Variants in MYT1L observed in about 807,000 individuals in gnomAD.
MYT1L encodes myelin transcription factor 1-like protein.
A neutral mutation model predicts 126.7 loss-of-function variants in MYT1L; 12 were observed. That is an observed-to-expected ratio of 0.09 (90% CI 0.06 to 0.15). The LOEUF is 0.15. Among genes scored for constraint, MYT1L ranks in the 10% least tolerant of loss-of-function variants. The probability of loss-of-function intolerance (pLI) is 1.00; values close to 1 mark genes in which losing one functional copy is unlikely to be tolerated. For missense variants in MYT1L, 979 were observed against 1,585.2 expected (o/e 0.62, Z 6.49); for synonymous variants, 541 against 604.2 (o/e 0.90, Z 1.53).
intron 5 of MYT1L, among the ~76,000 whole-genome samples, chr2:1,989,859 A>G (rs1223453698): frequency 1.3e-5 from 2 of 152,108 alleles, no homozygotes; most frequent in Non-Finnish European, 2.9e-5. Flanking sequence ...TTAGCTGGGC[A>G]TGGTGGCGGG....
At chr2:1,930,795 G>T (rs1227643270) in intron 9 of MYT1L, among the ~76,000 whole-genome samples, 1 of 152,134 alleles carries the variant, frequency 6.6e-6, no homozygotes, top group Non-Finnish European at 1.5e-5. Flanking sequence ...TTTTAGGTTC[G>T]GGGGTCCATG....
At chr2:1,894,269 G>T (rs2148893635) in intron 14 of MYT1L, among the ~76,000 whole-genome samples, 1 of 152,276 alleles carries the variant, frequency 6.6e-6, no homozygotes, top group African/African-American at 2.4e-5. Flanking sequence ...GCAGGGCGGG[G>T]TGGGCAGTGG....
At chr2:2,137,014 C>T (rs1425589182) in intron 3 of MYT1L, among the ~76,000 whole-genome samples, 1 of 152,094 alleles carries the variant, frequency 6.6e-6, no homozygotes, top group Non-Finnish European at 1.5e-5. Context: ...AATCAATGTG[C>T]AAAAATCACA....
At position 1,960,529 on chromosome 2, in the gene MYT1L, G is replaced by C. The variant is rs114984521; in HGVS notation, c.153-17195C>G. 4.8e-3 allele frequency among the ~76,000 whole-genome samples: 734 copies of C among 152,314 alleles called. 7 individuals are homozygous for C. The highest frequency in any genetic ancestry group is 0.017 in the African/African-American group (694 of 41,566). On this transcript the variant is annotated intron_variant, in intron 8 of 24. Coordinates refer to ENST00000647738, the MANE Select transcript of MYT1L (RefSeq NM_001303052.2). ...AGTGTAATGCATTTGTAAGTGGCAT[G>C]AAGGAAAATAAGACTGATACTGCCA... is the stretch of plus-strand genomic sequence containing the variant.
At chr2:2,120,884 G>A (rs910982358) in intron 3 of MYT1L, among the ~76,000 whole-genome samples, 9 of 151,844 alleles carry the variant, frequency 5.9e-5, no homozygotes, top group African/African-American at 1.5e-4. Context: ...CCCATTGAGT[G>A]CGCACTGTGT....
At chr2:2,278,648 A>G (rs1010415532) in intron 2 of MYT1L, among the ~76,000 whole-genome samples, 3 of 152,248 alleles carry the variant, frequency 2.0e-5, no homozygotes, top group Non-Finnish European at 4.4e-5. Context: ...CACAGGCAGG[A>G]CACTATTAAC....
chr2:2,100,926 G>T (rs1474209392), intron 3 of MYT1L, among the ~76,000 whole-genome samples: 1 of 152,090 alleles, frequency 6.6e-6, no homozygotes, highest in African/African-American at 2.4e-5. Context: ...AAGTAGAATA[G>T]CACGTAGATA....
At chr2:2,309,322 A>G (rs1174651762) in intron 1 of MYT1L, among the ~76,000 whole-genome samples, 2 of 151,624 alleles carry the variant, frequency 1.3e-5, no homozygotes, top group African/African-American at 4.8e-5. Context: ...AGTATACTCT[A>G]TCTATACTCT....
At chr2:2,163,418 G>T (rs1244607687) in intron 3 of MYT1L, among the ~76,000 whole-genome samples, 1 of 152,088 alleles carries the variant, frequency 6.6e-6, no homozygotes, top group African/African-American at 2.4e-5. Context: ...CCTGACAGTA[G>T]TTGCAATTAA....
At chr2:1,921,016 C>G (rs1011995639) in intron 10 of MYT1L, among the ~76,000 whole-genome samples, 5 of 152,186 alleles carry the variant, frequency 3.3e-5, no homozygotes, top group African/African-American at 1.2e-4. Context: ...CCTAGCTTGC[C>G]GCAGAAGGTA....
chr2:1,817,513 T>G (rs2148097027), intron 21 of MYT1L, among the ~76,000 whole-genome samples: 1 of 152,304 alleles, frequency 6.6e-6, no homozygotes, highest in South Asian at 2.1e-4. Context: ...GGAAACTAAA[T>G]TAGGAAACAA....
intron 3 of MYT1L, among the ~76,000 whole-genome samples, chr2:2,166,151 C>T (rs534252847): frequency 1.3e-5 from 2 of 152,210 alleles, no homozygotes; most frequent in Admixed American, 6.5e-5. Flanking sequence ...TCCTTATTTC[C>T]TTTCTTAATT....
chr2:2,271,880 T>C (rs895195760), intron 2 of MYT1L, among the ~76,000 whole-genome samples: 3 of 152,164 alleles, frequency 2.0e-5, no homozygotes, highest in African/African-American at 7.2e-5. Flanking sequence ...AATAGCGGTG[T>C]TTTTACTAGG....
intron 10 of MYT1L, among the ~76,000 whole-genome samples, chr2:1,920,959 G>A (rs1473450987): frequency 6.6e-6 from 1 of 152,224 alleles, no homozygotes; most frequent in African/African-American, 2.4e-5. Flanking sequence ...GAGTCCCCGA[G>A]CCTCTGGCTA....
chr2:2,018,141 T>C (rs1414538348), intron 4 of MYT1L, among the ~76,000 whole-genome samples: 2 of 152,226 alleles, frequency 1.3e-5, no homozygotes, highest in Non-Finnish European at 2.9e-5. Flanking sequence ...GACTCTACTT[T>C]TAAAATCTCA....
At chr2:1,914,520 C>T (rs552674821) in intron 11 of MYT1L, among the ~76,000 whole-genome samples, 6 of 152,212 alleles carry the variant, frequency 3.9e-5, no homozygotes, top group East Asian at 1.9e-4. Flanking sequence ...ACTCCAAGGA[C>T]GGTATCCAGG....
At chr2:2,244,750 G>C (rs997883622) in intron 2 of MYT1L, among the ~76,000 whole-genome samples, 1 of 152,144 alleles carries the variant, frequency 6.6e-6, no homozygotes, top group Admixed American at 6.5e-5. Context: ...GGCAAGACAC[G>C]ATACCTCCAT....
At chr2:1,797,166 A>G (rs960580284) in intron 23 of MYT1L, among the ~76,000 whole-genome samples, 1 of 151,720 alleles carries the variant, frequency 6.6e-6, no homozygotes, top group Non-Finnish European at 1.5e-5. Flanking sequence ...GGAAACGCAG[A>G]CCCCACAGGC....
chr2:2,146,783 A>G (rs929522334), intron 3 of MYT1L, among the ~76,000 whole-genome samples: 16 of 152,240 alleles, frequency 1.1e-4, no homozygotes, highest in Admixed American at 4.6e-4. Flanking sequence ...CCTATTAAAT[A>G]GGGGCCACCT....
Sources: gnomAD v4.1 joint callset for allele counts (sites outside exome capture counted in the v4.1 genomes callset) on GRCh38, gnomAD v4.1.1 for gene constraint, MANE v1.5 for transcripts, NCBI Gene and HGNC (gene_info 2026-07-23, HGNC 2026-07-21) for gene names.